Variants in DOCK1 observed in about 807,000 individuals in gnomAD.
DOCK1 encodes the protein dedicator of cytokinesis 1.
A neutral mutation model predicts 262.7 loss-of-function variants in DOCK1; 138 were observed. The ratio of observed to expected loss-of-function variants is 0.53; its 90% confidence interval spans 0.46 to 0.61. DOCK1 has a LOEUF of 0.61. DOCK1 is among the 20% of genes least tolerant of loss of function. The pLI, the probability that DOCK1 is intolerant of heterozygous loss-of-function variation, is 0.00. For missense variants in DOCK1, 1,908 were observed against 2,370.7 expected (o/e 0.80, Z 4.05); for synonymous variants, 866 against 867.4 (o/e 1.00, Z 0.03).
chr10:127,447,233 G>A (rs946563415), intron 50 of DOCK1, among the ~76,000 whole-genome samples, 161 bp from the exon 51 acceptor site: 8 of 152,110 alleles, frequency 5.3e-5, no homozygotes, highest in South Asian at 2.1e-4. Flanking sequence ...CTTTGTGTTC[G>A]CTCCCTCCCT....
At chr10:127,393,577 A>G (rs995400654) in intron 38 of DOCK1, among the ~76,000 whole-genome samples, 3 of 152,062 alleles carry the variant, frequency 2.0e-5, no homozygotes, top group African/African-American at 7.2e-5. Flanking sequence ...GCTCCCCGGG[A>G]GAGTGGGCGG....
intron 27 of DOCK1, among the ~76,000 whole-genome samples, chr10:127,182,029 T>C (rs191094352): frequency 3.3e-5 from 5 of 152,192 alleles, no homozygotes; most frequent in African/African-American, 1.2e-4. Flanking sequence ...ACTGGATGAA[T>C]TCAGACACCC....
At chr10:127,141,229 T>G (rs2051209956) in intron 27 of DOCK1, among the ~76,000 whole-genome samples, 2 of 152,208 alleles carry the variant, frequency 1.3e-5, no homozygotes, top group Admixed American at 1.3e-4. Flanking sequence ...CACAGATAAT[T>G]ATTCGTTCCC....
chr10:127,149,176 C>T (rs1381277862), intron 27 of DOCK1, among the ~76,000 whole-genome samples: 1 of 152,156 alleles, frequency 6.6e-6, no homozygotes, highest in Non-Finnish European at 1.5e-5. Context: ...AAAAGCAGCT[C>T]CTGGGATTTC....
intron 23 of DOCK1, among the ~76,000 whole-genome samples, chr10:127,062,696 C>T (rs1422204013): frequency 1.3e-5 from 2 of 152,232 alleles, no homozygotes; most frequent in African/African-American, 4.8e-5. Context: ...TTCATTGCTT[C>T]TCTCTTTGCT....
At chr10:127,312,874 C>T (rs2062116648) in intron 29 of DOCK1, among the ~76,000 whole-genome samples, 1 of 151,546 alleles carries the variant, frequency 6.6e-6, no homozygotes. Flanking sequence ...GTCTCTGGAC[C>T]TCCTGCCACA....
intron 38 of DOCK1, among the ~76,000 whole-genome samples, chr10:127,388,061 C>G (rs912299339): frequency 6.6e-6 from 1 of 152,124 alleles, no homozygotes; most frequent in Non-Finnish European, 1.5e-5. Context: ...ACATGGCCCC[C>G]ACACCACAAA....
At chr10:127,116,650 A>G (rs2049200130) in intron 25 of DOCK1, among the ~76,000 whole-genome samples, 1 of 152,226 alleles carries the variant, frequency 6.6e-6, no homozygotes, top group South Asian at 2.1e-4. Context: ...TTTTTGATTA[A>G]AAAAACCAAA....
chr10:127,028,288 A>T (rs1383344690), intron 16 of DOCK1, among the ~76,000 whole-genome samples: 2 of 152,160 alleles, frequency 1.3e-5, no homozygotes, highest in African/African-American at 4.8e-5. Flanking sequence ...ACCAAGTCGG[A>T]TCTGCTAATG....
intron 23 of DOCK1, among the ~76,000 whole-genome samples, chr10:127,069,586 A>G (rs9418737): frequency 0.92 from 140,360 of 152,264 alleles, 64,693 homozygotes; most frequent in Admixed American, 0.95. Flanking sequence ...TGAGTCAGGA[A>G]TCTATTTGAG....
intron 3 of DOCK1, 130 bp from the exon 4 acceptor site, chr10:126,981,786 GAT>G: frequency 1.3e-6 from 1 of 792,484 alleles, no homozygotes; most frequent in Non-Finnish European, 2.0e-6. Context: ...TGTTTTCTTT[GAT>G]ATGTTAAGAC....
At chr10:127,265,368 T>C (rs2060317143) in intron 29 of DOCK1, among the ~76,000 whole-genome samples, 1 of 152,146 alleles carries the variant, frequency 6.6e-6, no homozygotes, top group Non-Finnish European at 1.5e-5. Context: ...ATTTCCAGTG[T>C]CTGTGTGTTA....
intron 45 of DOCK1, 48 bp downstream of exon 45, chr10:127,418,589 C>T (rs2068300755): frequency 6.4e-7 from 1 of 1,559,692 alleles, no homozygotes; most frequent in Non-Finnish European, 8.6e-7. Context: ...TGCCCGGGGA[C>T]AGACTGAAAA....
chr10:127,413,828 T>C (rs891820123), intron 43 of DOCK1, among the ~76,000 whole-genome samples: 14 of 152,196 alleles, frequency 9.2e-5, no homozygotes, highest in African/African-American at 3.1e-4. Flanking sequence ...TGTGTCCTTA[T>C]GGCTTCAGCC....
chr10:127,374,274 G>T, intron 35 of DOCK1, 60 bp downstream of exon 35: 1 of 1,539,022 alleles, frequency 6.5e-7, no homozygotes, highest in Non-Finnish European at 8.7e-7. Context: ...ACTGAAGCGG[G>T]GATTGCCCCA....
chr10:127,059,295 TTTTA>T (rs1274077900), intron 22 of DOCK1, among the ~76,000 whole-genome samples: 2 of 152,200 alleles, frequency 1.3e-5, no homozygotes, highest in African/African-American at 4.8e-5. Context: ...TGTTTTTGCT[TTTTA>T]TTTATCCTGC....
intron 46 of DOCK1, 133 bp from the exon 47 acceptor site, chr10:127,425,741 G>C: frequency 7.4e-7 from 1 of 1,354,966 alleles, no homozygotes; most frequent in Non-Finnish European, 1.0e-6. Context: ...ATGCCTGCTG[G>C]TAAATTGAAT....
At chr10:127,244,990 C>T (rs1390884944) in intron 27 of DOCK1, among the ~76,000 whole-genome samples, 1 of 152,214 alleles carries the variant, frequency 6.6e-6, no homozygotes, top group African/African-American at 2.4e-5. Flanking sequence ...TTTATTTTCA[C>T]AGAGCTCGCT....
chr10:126,991,726 T>C (rs1229186784), intron 6 of DOCK1, among the ~76,000 whole-genome samples: 3 of 152,066 alleles, frequency 2.0e-5, no homozygotes, highest in African/African-American at 7.2e-5. Context: ...ATGGGGTTTT[T>C]CCATGTTGGT....
Sources: gnomAD v4.1 joint callset for allele counts (sites outside exome capture counted in the v4.1 genomes callset) on GRCh38, gnomAD v4.1.1 for gene constraint, MANE v1.5 for transcripts, NCBI Gene and HGNC (gene_info 2026-07-23, HGNC 2026-07-21) for gene names.